The following IFT43 variants were observed in gnomAD, a reference collection of about 807,000 sequenced individuals.
IFT43 encodes the protein intraflagellar transport protein 43 homolog.
A neutral mutation model predicts 32.3 loss-of-function variants in IFT43; 33 were observed. The observed-to-expected ratio is 1.02, with a 90% CI of 0.77 to 1.37. The LOEUF (loss-of-function observed/expected upper bound fraction) is 1.37, where lower values mean the gene tolerates loss of function less well. IFT43 is among the 40% of genes most tolerant of loss of function. The probability of loss-of-function intolerance (pLI) is 0.00; values close to 1 mark genes in which losing one functional copy is unlikely to be tolerated. For synonymous variants in IFT43, 93 were observed against 98.2 expected (o/e 0.95, Z 0.31); for missense variants, 274 against 265.9 (o/e 1.03, Z -0.21).
chr14:76,030,575 AAC>A (rs1312807679), intron 3 of IFT43, among the ~76,000 whole-genome samples: 1 of 152,218 alleles, frequency 6.6e-6, no homozygotes, highest in African/African-American at 2.4e-5. Context: ...TCTATCCTGT[AAC>A]ACACATAAAG....
chr14:75,993,285 A>G (rs1007127534), intron 2 of IFT43, among the ~76,000 whole-genome samples: 10 of 152,210 alleles, frequency 6.6e-5, no homozygotes, highest in Non-Finnish European at 1.3e-4. Flanking sequence ...AAATCAGGAA[A>G]TGTAATATGG....
chr14:76,044,237 A>G (rs147503125), intron 3 of IFT43, among the ~76,000 whole-genome samples: 1,906 of 152,020 alleles, frequency 0.013, 32 homozygotes, highest in Non-Finnish European at 0.016. Flanking sequence ...ACCCAGTTTC[A>G]CTATGTTGAC....
At chr14:76,077,646 C>G (rs1163097951) in intron 5 of IFT43, among the ~76,000 whole-genome samples, 2 of 152,126 alleles carry the variant, frequency 1.3e-5, no homozygotes, top group African/African-American at 4.8e-5. Context: ...GTAGGAAGCT[C>G]TTATTTCTGC....
chr14:76,029,455 G>GT (rs1163333819), intron 3 of IFT43, among the ~76,000 whole-genome samples: 1 of 152,108 alleles, frequency 6.6e-6, no homozygotes, highest in Non-Finnish European at 1.5e-5. Flanking sequence ...GCAGAAGCTT[G>GT]TTAATTTAAT....
intron 2 of IFT43, among the ~76,000 whole-genome samples, chr14:76,016,014 G>A (rs530459870): frequency 2.0e-5 from 3 of 152,110 alleles, no homozygotes; most frequent in Non-Finnish European, 4.4e-5. Context: ...TTTTTAATGG[G>A]ACTTTTTTGG....
chr14:76,032,785 C>T (rs570785594), intron 3 of IFT43, among the ~76,000 whole-genome samples: 1 of 152,266 alleles, frequency 6.6e-6, no homozygotes, highest in Admixed American at 6.5e-5. Flanking sequence ...GAGCCTAAAC[C>T]AGGGCCATGT....
intron 2 of IFT43, among the ~76,000 whole-genome samples, chr14:75,994,701 T>C (rs1174827058): frequency 1.3e-5 from 2 of 152,212 alleles, no homozygotes; most frequent in African/African-American, 4.8e-5. Flanking sequence ...ATTATAGGTA[T>C]TGAGGATTTT....
chr14:76,015,698 G>A (rs936189069), intron 2 of IFT43, among the ~76,000 whole-genome samples: 13 of 152,154 alleles, frequency 8.5e-5, no homozygotes, highest in African/African-American at 3.1e-4. Flanking sequence ...ATGTGGCTTT[G>A]TGTTACCTCT....
intron 5 of IFT43, among the ~76,000 whole-genome samples, chr14:76,063,874 T>C (rs1398167231): frequency 6.6e-6 from 1 of 152,200 alleles, no homozygotes; most frequent in East Asian, 1.9e-4. Context: ...TCCCAGGCCA[T>C]GCACTAATCA....
rs1396719151 is a variant in IFT43, at chr14:75,991,396, T to TGTGTATATTAACAAGA, written c.147+2423_147+2424insATATTAACAAGAGTGT. Among the ~76,000 whole-genome samples the TGTGTATATTAACAAGA allele has an allele frequency of 8.3e-3, 1,110 of 134,350 alleles. 17 individuals are homozygous for TGTGTATATTAACAAGA. Among genetic ancestry groups the TGTGTATATTAACAAGA allele is most frequent in the African/African-American group, 0.029 (1,057 of 36,952 alleles). The allele number at this position is 134,350 out of a possible 152,430, so 88.1% of individuals were successfully genotyped here. On this transcript the variant is annotated intron_variant, in intron 2 of 8. Coordinates refer to ENST00000314067, the MANE Select transcript of IFT43 (RefSeq NM_001102564.3). ...ATATAAATATTAACAAGAGTGTGTG[T>TGTGTATATTAACAAGA]GTGTGTGTGTGTGTGTGTGTGTGTG... is the stretch of plus-strand genomic sequence containing the variant.
intron 2 of IFT43, among the ~76,000 whole-genome samples, chr14:75,998,624 G>T (rs1320762377): frequency 6.6e-6 from 1 of 152,112 alleles, no homozygotes; most frequent in Non-Finnish European, 1.5e-5. Flanking sequence ...TGGACTGAGG[G>T]GTCAGCAGTG....
intron 3 of IFT43, among the ~76,000 whole-genome samples, chr14:76,052,397 A>G (rs1165065942): frequency 1.3e-5 from 2 of 152,158 alleles, no homozygotes; most frequent in Non-Finnish European, 2.9e-5. Flanking sequence ...CTGTCTGGTG[A>G]AGGGAATCCA....
At position 76,038,642 on chromosome 14, in the gene IFT43, A is replaced by G. The variant is rs143647883; in HGVS notation, c.215+16248A>G. On this transcript the variant is annotated intron_variant, in intron 3 of 8. Coordinates refer to ENST00000314067, the MANE Select transcript of IFT43 (RefSeq NM_001102564.3). The stretch of plus-strand genomic sequence containing the variant: ...TCAGTTGCATTGTTTATTATAGGAA[A>G]TCATAGATGTTCAGCAAGATTTGAA... Among the ~76,000 whole-genome samples the G allele has an allele frequency of 2.8e-3, 420 of 152,288 alleles. 4 individuals carry two copies. The highest frequency in any genetic ancestry group is 9.6e-3 in the African/African-American group (399 of 41,544).
intron 3 of IFT43, among the ~76,000 whole-genome samples, chr14:76,039,945 G>C (rs1392118185): frequency 1.3e-5 from 2 of 152,176 alleles, no homozygotes; most frequent in Admixed American, 1.3e-4. Context: ...TCTCAGTACA[G>C]AGTAGAAGAG....
intron 7 of IFT43, 104 bp downstream of exon 7, chr14:76,082,796 C>A: frequency 1.1e-6 from 1 of 873,776 alleles, no homozygotes; most frequent in Non-Finnish European, 2.0e-6. Flanking sequence ...CTCCACCAGT[C>A]CCCTGAGGCT....
intron 3 of IFT43, among the ~76,000 whole-genome samples, chr14:76,042,624 G>A (rs978323057): frequency 6.6e-6 from 1 of 152,254 alleles, no homozygotes; most frequent in African/African-American, 2.4e-5. Context: ...GATGCAGCCT[G>A]TGCTTAGGGG....
Position 76,016,246 on chromosome 14 carries a change from G to A in IFT43, c.148-6081G>A, listed in dbSNP as rs181674634. On this transcript the variant is annotated intron_variant, in intron 2 of 8. Transcript: ENST00000314067. ...TTGATTTTTGTATATGGTGAGAGATGGGGGCTCTGGTTTTATTCTTCTGTG... is the reference window on the plus strand; with the variant it reads ...TTGATTTTTGTATATGGTGAGAGATAGGGGCTCTGGTTTTATTCTTCTGTG... 9.9e-5 allele frequency among the ~76,000 whole-genome samples: 15 copies of A among 152,168 alleles called. 1 individual carries two copies. In the East Asian group the frequency reaches 2.9e-3, roughly 29 times the overall value.
intron 3 of IFT43, among the ~76,000 whole-genome samples, chr14:76,023,084 A>G (rs917247184): frequency 1.3e-5 from 2 of 152,248 alleles, no homozygotes; most frequent in African/African-American, 2.4e-5. Flanking sequence ...CAGTGCATGT[A>G]GCAGCACTTT....
rs556412785 is a variant in IFT43, at chr14:76,027,696, G to A, written c.215+5302G>A. On this transcript the variant is annotated intron_variant, in intron 3 of 8. Coordinates refer to ENST00000314067, the MANE Select transcript of IFT43 (RefSeq NM_001102564.3). ...TGCGCTCCAGCCTGGGCAACAGAGT[G>A]AGACTGTCTCAAAAAAAAAAAAAAA... 1.9e-4 allele frequency among the ~76,000 whole-genome samples: 26 copies of A among 135,736 alleles called. No individual in the cohort carries two copies. The South Asian group carries it at 2.5e-3, about 13-fold the overall frequency. 89.0% of individuals were successfully genotyped at this position (135,736 alleles called of 152,430 possible).
Sources: allele counts gnomAD v4.1 joint callset (sites outside exome capture counted in the v4.1 genomes callset), GRCh38; gene constraint gnomAD v4.1.1; transcripts MANE v1.5; gene names NCBI Gene and HGNC (gene_info 2026-07-23, HGNC 2026-07-21).